The following IRF7 variants were observed in gnomAD, a reference collection of about 807,000 sequenced individuals.
IRF7 encodes the protein interferon regulatory factor-7H.
In IRF7, 67 loss-of-function variants were observed where a neutral mutation model predicts 51.3. That is an observed-to-expected ratio of 1.31 (90% CI 1.07 to 1.60). The LOEUF is 1.60. Among genes scored for constraint, IRF7 ranks in the 40% most tolerant of loss-of-function variants. The pLI, the probability that IRF7 is intolerant of heterozygous loss-of-function variation, is 0.00. For missense variants in IRF7, 873 were observed against 701.5 expected (o/e 1.24, Z -2.76); for synonymous variants, 427 against 301.3 (o/e 1.42, Z -4.32).
At chr11:612,931 T>G in intron 10 of IRF7, 68 bp downstream of exon 10, 1 of 1,588,580 alleles carries the variant, frequency 6.3e-7, no homozygotes, top group South Asian at 1.1e-5. Flanking sequence ...TCCGAGGCTC[T>G]GAGGGCATCA....
At chr11:612,883 T>G in intron 10 of IRF7, 83 bp from the exon 11 acceptor site, 1 of 1,590,078 alleles carries the variant, frequency 6.3e-7, no homozygotes, top group Non-Finnish European at 8.6e-7. Flanking sequence ...GCGTCGGGCG[T>G]CTGTCAGTGA....
chr11:614,331 G>A lies in IRF7; in HGVS notation c.522C>T (p.Ala174=). The A allele has an allele frequency of 6.2e-7, 1 of 1,611,138 alleles. No individual in the cohort carries two copies. The highest frequency in any genetic ancestry group is 8.5e-7 in the Non-Finnish European group (1 of 1,179,416). Residue 174 remains alanine (A), a synonymous_variant, in exon 6 of 11, where the codon GCC becomes GCT. Coordinates refer to ENST00000525445, the MANE Select transcript of IRF7 (RefSeq NM_001572.5). ...AGLQAPGPLP[A]PAGDKGDLLL... ...GGAGGTCCCCCTTGTCACCAGCTGG[G>A]GCAGGGAGGGGGCCTGGGGCTTGGA... is the stretch of plus-strand genomic sequence containing the variant.
In IRF7 at chr11:614,655, G is replaced by A; in HGVS notation, c.395-121C>T. On this transcript the variant is annotated intron_variant, in intron 4 of 10. Coordinates refer to ENST00000525445, the MANE Select transcript of IRF7 (RefSeq NM_001572.5). ...CCTTAGGCTGTGGCCTGAGGAGGTG[G>A]GGATGTGGCTCTCCACCTGTCCTGG... 3.6e-6 allele frequency: 5 copies of A among 1,397,222 alleles called. No homozygotes were observed. The South Asian group carries it at 6.6e-5, about 19-fold the overall frequency. The allele number at this position is 1,397,222 out of a possible 1,614,324, so 86.6% of individuals were successfully genotyped here.
In IRF7 at chr11:615,346, T is replaced by C. The variant is rs1367244124; in HGVS notation, c.19A>G (p.Arg7Gly). 6.5e-7 allele frequency: 1 copy of C among 1,528,414 alleles called. No individual in the cohort carries two copies. Among genetic ancestry groups the C allele is most frequent in the Non-Finnish European group, 8.7e-7 (1 of 1,143,052 alleles). The allele number at this position is 1,528,414 out of a possible 1,614,324, so 94.7% of individuals were successfully genotyped here. ...GGAGAGGGTGGGCCGGGCTCTTACC[T>C]CTCAGGAGCCAAGGCCATTGCTCCT... MALAPE[R>G]AAPRVLFGEW... is the part of the protein sequence containing the mutation. Residue 7 changes from arginine (R) to glycine (G), a missense_variant and splice_region_variant, in exon 2 of 11, where the codon AGG becomes GGG. Transcript: ENST00000525445.
rs938089899 is a variant in IRF7, at chr11:614,822, C to A, written c.369G>T (p.Ala123=). ...CTCGCCAGCACAGCTCCCGGCTGAG[C>A]GCGTACACCTTGTGCGGGTCGGCCG... is the stretch of plus-strand genomic sequence containing the variant. The part of the protein sequence containing the change: ...GDPADPHKVY[A]LSRELCWREG... The change falls in exon 4 of 11, where the codon GCG becomes GCT. Residue 123 remains alanine (A), a synonymous_variant. Transcript: ENST00000525445. The A allele has an allele frequency of 1.3e-6, 2 of 1,553,116 alleles. No individual in the cohort carries two copies. Among genetic ancestry groups the A allele is most frequent in the Non-Finnish European group, 1.7e-6 (2 of 1,149,748 alleles).
rs926854541 is a variant in IRF7 at position 614,972 on chromosome 11, G to C, written c.219C>G (p.Ser73Arg). ...CGGGGGGCGGGCCACCTCCCCTGCT[G>C]CTAGGCGGCCACCTGCCGCGGGCCA... ...WAVARGRWPP[S>R]SRGGGPPPEA... Residue 73 changes from serine to arginine, a missense_variant, in exon 4 of 11, where the codon AGC becomes AGG. Physicochemically the swap from Ser to Arg is moderately radical, Grantham distance 110 (BLOSUM62 -1). Coordinates refer to ENST00000525445, the MANE Select transcript of IRF7 (RefSeq NM_001572.5). The C allele has an allele frequency of 1.9e-6, 3 of 1,553,454 alleles. No homozygotes were observed. In the South Asian group the frequency reaches 3.6e-5, roughly 19 times the overall value.
chr11:615,340 C>A lies in IRF7; in HGVS notation c.20+5G>T, dbSNP rs762755409. On this transcript the variant is annotated splice_donor_5th_base_variant and intron_variant, in intron 2 of 10. Transcript: ENST00000525445. ...GCATCTGGAGAGGGTGGGCCGGGCTCTTACCTCTCAGGAGCCAAGGCCATT... is the reference window on the plus strand; with the variant it reads ...GCATCTGGAGAGGGTGGGCCGGGCTATTACCTCTCAGGAGCCAAGGCCATT... 2 of 1,538,782 alleles carry A rather than the reference C, an allele frequency of 1.3e-6. No homozygotes were observed. The highest frequency in any genetic ancestry group is 2.7e-5 in the African/African-American group (2 of 73,024).
rs749760219 is a variant in IRF7 at position 614,195 on chromosome 11, G to T, written c.658C>A (p.Leu220Met). ...ACACCTCCAGCACAGGCCCCAGTCA[G>T]GGGAAGCCCTTCTTGTCCCTCTCCA... ...APGEGQEGLP[L>M]TGACAGGPGL... The change falls in exon 6 of 11, where the codon CTG becomes ATG. Residue 220 changes from leucine to methionine, a missense_variant. Leu to Met is a conservative substitution (Grantham distance 15). Transcript: ENST00000525445. The T allele has an allele frequency of 1.5e-5, 24 of 1,612,704 alleles. No homozygotes were observed. In the South Asian group the frequency reaches 2.0e-4, roughly 13 times the overall value.
chr11:614,585 C>G (rs370042348), intron 4 of IRF7, 51 bp from the exon 5 acceptor site: 2 of 1,542,096 alleles, frequency 1.3e-6, no homozygotes, highest in African/African-American at 1.4e-5. Context: ...GTGAGAGATA[C>G]AAGGAGAGCC....
chr11:614,669 C>T lies in IRF7; in HGVS notation c.394+128G>A, dbSNP rs547086771. The T allele has an allele frequency of 1.3e-4, 184 of 1,392,166 alleles. No homozygotes were observed. In the African/African-American group the frequency reaches 2.3e-3, roughly 17 times the overall value. 86.2% of individuals were successfully genotyped at this position (1,392,166 alleles called of 1,614,324 possible). A position where few individuals can be genotyped will look rare whatever the true frequency, so the allele number is the denominator to read the frequency against. ...CTGAGGAGGTGGGGATGTGGCTCTC[C>T]ACCTGTCCTGGGCCTGCTGGCAGCC... is the stretch of plus-strand genomic sequence containing the variant. On this transcript the variant is annotated intron_variant, in intron 4 of 10. Coordinates refer to ENST00000525445, the MANE Select transcript of IRF7 (RefSeq NM_001572.5).
At position 614,313 on chromosome 11, in the gene IRF7, C is replaced by T. The variant is rs558845593; in HGVS notation, c.540G>A (p.Gly180=). The part of the protein sequence containing the change: ...GPLPAPAGDK[G]DLLLQAVQQS... ...GTTGCACTGCCTGGAGCAGGAGGTC[C>T]CCCTTGTCACCAGCTGGGGCAGGGA... Residue 180 remains glycine, a synonymous_variant, in exon 6 of 11, where the codon GGG becomes GGA. Coordinates refer to ENST00000525445, the MANE Select transcript of IRF7 (RefSeq NM_001572.5). 4.3e-6 allele frequency: 7 copies of T among 1,611,756 alleles called. No individual in the cohort carries two copies. In the East Asian group the frequency reaches 8.9e-5, roughly 21 times the overall value.
rs375250292 is a variant in IRF7 at position 614,216 on chromosome 11, C to T, written c.637G>A (p.Glu213Lys). 1.3e-5 allele frequency: 21 copies of T among 1,613,084 alleles called. No homozygotes were observed. Among genetic ancestry groups the T allele is most frequent in the Non-Finnish European group, 1.8e-5 (21 of 1,179,950 alleles). Residue 213 changes from glutamate (E) to lysine (K), a missense_variant, in exon 6 of 11, where the codon GAG becomes AAG. Physicochemically the swap from Glu to Lys is moderately conservative, Grantham distance 56. Coordinates refer to ENST00000525445, the MANE Select transcript of IRF7 (RefSeq NM_001572.5). ...ADPVPTKAPG[E>K]GQEGLPLTGA... The stretch of plus-strand genomic sequence containing the variant: ...GTCAGGGGAAGCCCTTCTTGTCCCT[C>T]TCCAGGAGCCTTGGTTGGGACTGGA...
chr11:614,775 C>T, intron 4 of IRF7, 22 bp downstream of exon 4: 2 of 1,525,494 alleles, frequency 1.3e-6, no homozygotes, highest in Non-Finnish European at 1.8e-6. Context: ...TGCCAACGCC[C>T]TTGGCAGCCG....
At position 614,234 on chromosome 11, in the gene IRF7, GGACTGGATCTGCCCCCCAT is replaced by G; in HGVS notation, c.600_618del (p.Trp201GlnfsTer14). 6.2e-7 allele frequency: 1 copy of G among 1,612,996 alleles called. No homozygotes were observed. The highest frequency in any genetic ancestry group is 8.5e-7 in the Non-Finnish European group (1 of 1,179,922). On this transcript the variant is annotated frameshift_variant, in exon 6 of 11. Transcript: ENST00000525445. LOFTEE classifies it high-confidence loss of function. ...TGTCCCTCTCCAGGAGCCTTGGTTG[GGACTGGATCTGCCCCCCAT>G]GACGCTGTCAGCAGATGGTCTGCCA...
At chr11:612,838 G>T (rs372609089) in intron 10 of IRF7, 38 bp from the exon 11 acceptor site, 4 of 1,597,970 alleles carry the variant, frequency 2.5e-6, no homozygotes, top group Admixed American at 1.7e-5. Context: ...GTGACCCGGC[G>T]TGTGTCCTCC....
At chr11:613,148 C>A in intron 9 of IRF7, 31 bp from the exon 10 acceptor site, 1 of 1,607,160 alleles carries the variant, frequency 6.2e-7, no homozygotes, top group Non-Finnish European at 8.5e-7. Context: ...GAGTACCTGG[C>A]AGGCAGGTGC....
rs1324833432 is a variant in IRF7 at position 613,522 on chromosome 11, G to A, written c.921C>T (p.His307=). The A allele has an allele frequency of 6.4e-7, 1 of 1,565,126 alleles. No individual in the cohort carries two copies. Among genetic ancestry groups the A allele is most frequent in the Non-Finnish European group, 8.6e-7 (1 of 1,157,662 alleles). The part of the protein sequence containing the change: ...GRTVLQKVVG[H]PSCTFLYGPP... ...GGCCGTATAGGAACGTGCAGCTCGGGTGTCCCACCACCTTCTGCAGCACCG... is the reference window on the plus strand; with the variant it reads ...GGCCGTATAGGAACGTGCAGCTCGGATGTCCCACCACCTTCTGCAGCACCG... The change falls in exon 9 of 11, where the codon CAC becomes CAT. Residue 307 remains histidine (H), a synonymous_variant. Coordinates refer to ENST00000525445, the MANE Select transcript of IRF7 (RefSeq NM_001572.5).
At chr11:613,696 G>A in intron 8 of IRF7, 89 bp downstream of exon 8, 3 of 490,976 alleles carry the variant, frequency 6.1e-6, no homozygotes, top group South Asian at 2.6e-5. Context: ...GGTGGGCGGG[G>A]ACAGGATGTG....
At position 615,109 on chromosome 11, in the gene IRF7, C is replaced by T. The variant is rs1312051113; in HGVS notation, c.171G>A (p.Ala57=). 5.0e-6 allele frequency: 8 copies of T among 1,592,224 alleles called. No homozygotes were observed. The African/African-American group carries it at 6.7e-5, about 13-fold the overall frequency. Residue 57 remains alanine (A), a synonymous_variant, in exon 3 of 11, where the codon GCG becomes GCA. Transcript: ENST00000525445. ...FARKDLSEAD[A]RIFKAWAVAR... Reference sequence around the variant, plus strand: ...CTGGGGTCCCCACCTTGAAGATGCGCGCGTCGGCCTCGCTCAGGTCCTTGC... The same window carrying T: ...CTGGGGTCCCCACCTTGAAGATGCGTGCGTCGGCCTCGCTCAGGTCCTTGC...
Sources: gnomAD v4.1 joint callset for allele counts on GRCh38, gnomAD v4.1.1 for gene constraint, MANE v1.5 for transcripts, NCBI Gene and HGNC (gene_info 2026-07-23, HGNC 2026-07-21) for gene names.